Variants in COL9A1 observed in about 807,000 individuals in gnomAD.
COL9A1 encodes the protein collagen type IX alpha 1 chain, also known as collagen alpha-1(IX) chain.
COL9A1 carries 104 observed loss-of-function variants against 142.6 expected under a neutral mutation model. That is an observed-to-expected ratio of 0.73 (90% CI 0.62 to 0.86). The LOEUF is 0.86. Among genes scored for constraint, COL9A1 ranks in the 40% least tolerant of loss-of-function variants. COL9A1 has a pLI of 0.00. For synonymous variants in COL9A1, 466 were observed against 396.0 expected (o/e 1.18, Z -2.10); for missense variants, 1,210 against 1,176.6 (o/e 1.03, Z -0.42).
chr6:70,254,687 G>T (rs1420840984), intron 24 of COL9A1, 158 bp from the exon 25 acceptor site: 5 of 708,352 alleles, frequency 7.1e-6, no homozygotes, highest in Non-Finnish European at 1.2e-5. Context: ...TGGGGGAGTA[G>T]GGTGGGAAAT....
chr6:70,252,393 A>T, intron 26 of COL9A1, 78 bp from the exon 27 acceptor site: 3 of 1,269,358 alleles, frequency 2.4e-6, no homozygotes, highest in Non-Finnish European at 3.5e-6. Context: ...CCAGACTGGG[A>T]TCTCTTACAT....
At chr6:70,230,426 GA>G (rs988422416) in intron 36 of COL9A1, among the ~76,000 whole-genome samples, 4 of 151,752 alleles carry the variant, frequency 2.6e-5, no homozygotes, top group Non-Finnish European at 5.9e-5. Flanking sequence ...AGGGTAGGGA[GA>G]AAAAAAATCC....
At chr6:70,262,424 C>T (rs551846921) in intron 19 of COL9A1, among the ~76,000 whole-genome samples, 4 of 152,302 alleles carry the variant, frequency 2.6e-5, no homozygotes, top group South Asian at 2.1e-4. Context: ...CTGCACAGCT[C>T]GCTGAACCCT....
At chr6:70,259,267 A>T (rs1003106904) in intron 20 of COL9A1, among the ~76,000 whole-genome samples, 1 of 152,238 alleles carries the variant, frequency 6.6e-6, no homozygotes, top group African/African-American at 2.4e-5. Context: ...CGTATTGTTA[A>T]TTAACTGTTA....
Position 70,277,385 on chromosome 6 carries a change from G to A in COL9A1, c.976-2613C>T, listed in dbSNP as rs576658356. 3.3e-5 allele frequency among the ~76,000 whole-genome samples: 5 copies of A among 150,516 alleles called. No homozygotes were observed. In the South Asian group the frequency reaches 1.0e-3, roughly 32 times the overall value. On this transcript the variant is annotated intron_variant, in intron 10 of 37. Transcript: ENST00000357250. ...CTTAACCTGAAAAAAGGGCAGATTT[G>A]AGTTGAAATATACAGACCACACACA...
At chr6:70,263,392 T>A in intron 18 of COL9A1, 95 bp from the exon 19 acceptor site, 2 of 1,012,032 alleles carry the variant, frequency 2.0e-6, no homozygotes, top group Non-Finnish European at 2.9e-6. Flanking sequence ...TGTTTTAAGT[T>A]AACTTGGTGA....
At position 70,252,182 on chromosome 6, in the gene COL9A1, A is replaced by G; in HGVS notation, c.1819-9T>C. The G allele has an allele frequency of 6.2e-7, 1 of 1,614,212 alleles. No homozygotes were observed. Among genetic ancestry groups the G allele is most frequent in the Non-Finnish European group, 8.5e-7 (1 of 1,180,018 alleles). ...GGAGGCCCCTGTTGGCCCTGTTATC[A>G]GGAAGGAAGGTAGAAAAAAAGTTAA... On this transcript the variant is annotated splice_polypyrimidine_tract_variant and intron_variant, in intron 27 of 37. Coordinates refer to ENST00000357250, the MANE Select transcript of COL9A1 (RefSeq NM_001851.6).
chr6:70,215,497 A>G (rs909217185), downstream of COL9A1: 1 of 152,226 alleles, frequency 6.6e-6, no homozygotes, highest in African/African-American at 2.4e-5. Context: ...GCCCCAGCAC[A>G]GGTTACTCAC....
chr6:70,290,306 G>A (rs1773609680), intron 5 of COL9A1, among the ~76,000 whole-genome samples: 1 of 152,124 alleles, frequency 6.6e-6, no homozygotes, highest in Non-Finnish European at 1.5e-5. Flanking sequence ...TTTATGGTAT[G>A]CTGCCAGGAA....
intron 25 of COL9A1, among the ~76,000 whole-genome samples, chr6:70,254,229 G>A (rs1415228083): frequency 6.6e-6 from 1 of 151,996 alleles, no homozygotes; most frequent in East Asian, 1.9e-4. Flanking sequence ...AAAAGACTGA[G>A]TAAACTAAAG....
At chr6:70,277,273 C>T (rs899294956) in intron 10 of COL9A1, among the ~76,000 whole-genome samples, 2 of 151,690 alleles carry the variant, frequency 1.3e-5, no homozygotes, top group Admixed American at 1.3e-4. Flanking sequence ...AATATAATTG[C>T]TGAGAACAGC....
chr6:70,270,869 G>A (rs1772352503), intron 14 of COL9A1, among the ~76,000 whole-genome samples: 1 of 152,168 alleles, frequency 6.6e-6, no homozygotes, highest in Non-Finnish European at 1.5e-5. Flanking sequence ...CTCTTGCAAT[G>A]AGTCAGAAAA....
chr6:70,290,715 T>A (rs567999409), intron 5 of COL9A1, among the ~76,000 whole-genome samples: 9 of 152,226 alleles, frequency 5.9e-5, no homozygotes, highest in African/African-American at 1.9e-4. Context: ...CTTTTTGACA[T>A]CTGATAATCC....
At chr6:70,292,805 A>C (rs1459302955) in intron 5 of COL9A1, among the ~76,000 whole-genome samples, 1 of 152,210 alleles carries the variant, frequency 6.6e-6, no homozygotes, top group Non-Finnish European at 1.5e-5. Context: ...GAACCTTTCC[A>C]GTGTCATTGC....
intron 10 of COL9A1, among the ~76,000 whole-genome samples, chr6:70,279,228 A>G (rs1772957378): frequency 6.6e-6 from 1 of 152,228 alleles, no homozygotes; most frequent in Non-Finnish European, 1.5e-5. Context: ...GACTCTTTTT[A>G]TTATGGTATG....
At chr6:70,302,156 C>T (rs1026454522) in intron 1 of COL9A1, 82 bp from the exon 2 acceptor site, 1 of 734,532 alleles carries the variant, frequency 1.4e-6, no homozygotes, top group Non-Finnish European at 2.3e-6. Flanking sequence ...CCTAGTAAAC[C>T]TAATTAATGT....
At chr6:70,217,222 G>GTGA (rs956682163) in intron 37 of COL9A1, 141 bp from the exon 38 acceptor site, 39 of 720,350 alleles carry the variant, frequency 5.4e-5, no homozygotes, top group Middle Eastern at 2.5e-4. Context: ...GTGATGATTG[G>GTGA]TGATGATGAT....
chr6:70,279,859 G>A (rs573177285), intron 10 of COL9A1: 5 of 463,310 alleles, frequency 1.1e-5, no homozygotes, highest in Middle Eastern at 3.0e-4. Context: ...ATAGGTTTTC[G>A]AGTGCTTTCT....
intron 17 of COL9A1, among the ~76,000 whole-genome samples, chr6:70,268,212 T>C (rs10806632): frequency 0.13 from 19,636 of 150,688 alleles, 1,557 homozygotes; most frequent in Non-Finnish European, 0.18. Context: ...TCTTCCTTAA[T>C]AGGAAGCACT....
Sources: gnomAD v4.1 joint callset for allele counts (sites outside exome capture counted in the v4.1 genomes callset) on GRCh38, gnomAD v4.1.1 for gene constraint, MANE v1.5 for transcripts, NCBI Gene and HGNC (gene_info 2026-07-23, HGNC 2026-07-21) for gene names.